The following DNAH14 variants were observed in gnomAD, a reference collection of about 807,000 sequenced individuals.
DNAH14 encodes the protein axonemal beta dynein heavy chain 14.
In DNAH14, 478 loss-of-function variants were observed where a neutral mutation model predicts 520.9. That is an observed-to-expected ratio of 0.92 (90% CI 0.85 to 0.99). The LOEUF (loss-of-function observed/expected upper bound fraction) is 0.99, where lower values mean the gene tolerates loss of function less well. Ranked by LOEUF, DNAH14 falls within the 50% of genes least tolerant of loss-of-function variation. The pLI is 0.00. For synonymous variants in DNAH14, 1,581 were observed against 1,757.2 expected (o/e 0.90, Z 2.51); for missense variants, 4,831 against 5,234.5 (o/e 0.92, Z 2.38).
intron 21 of DNAH14, among the ~76,000 whole-genome samples, chr1:225,090,491 A>G (rs1377927634): frequency 6.6e-6 from 1 of 152,174 alleles, no homozygotes; most frequent in African/African-American, 2.4e-5. Flanking sequence ...GAGGCTCATT[A>G]TAAGGCCACA....
At chr1:225,192,972 C>A in intron 38 of DNAH14, 61 bp downstream of exon 38, 2 of 1,253,994 alleles carry the variant, frequency 1.6e-6, no homozygotes, top group Non-Finnish European at 2.2e-6. Context: ...AATTGCTTAT[C>A]CAAAGACTGA....
At position 225,338,073 on chromosome 1, in the gene DNAH14, A is replaced by C. The variant is rs1418183459; in HGVS notation, c.10324A>C (p.Thr3442Pro). 1.4e-5 allele frequency: 21 copies of C among 1,542,706 alleles called. 1 individual carries two copies. In the South Asian group the frequency reaches 1.6e-4, roughly 12 times the overall value. ...GSVLLQNLLE[T>P]LAPGLKAILK... The stretch of plus-strand genomic sequence containing the variant: ...TTGGGTTTTTCAGAATCTCCTTGAG[A>C]CATTAGCTCCAGGCTTAAAGGCAAT... The change falls in exon 68 of 86, where the codon ACA (threonine) becomes CCA (proline). Residue 3442 changes from threonine (T) to proline (P), a missense_variant. By Grantham distance (38) the Thr-to-Pro change is conservative. Transcript: ENST00000682510.
chr1:225,284,949 T>TCAGCAAAAAGGAAAAGAAGGAAGCTTC (rs1333446851), intron 54 of DNAH14, among the ~76,000 whole-genome samples: 18 of 152,074 alleles, frequency 1.2e-4, no homozygotes, highest in African/African-American at 4.3e-4. Context: ...TTTTTTACTC[T>TCAGCAAAAAGGAAAAGAAGGAAGCTTC]CAGCAAAAAG....
At chr1:225,222,351 T>C (rs962756757) in intron 41 of DNAH14, among the ~76,000 whole-genome samples, 3 of 152,126 alleles carry the variant, frequency 2.0e-5, no homozygotes, top group Admixed American at 1.3e-4. Context: ...AGTTGGTTTC[T>C]TCCAGTGGGT....
intron 23 of DNAH14, among the ~76,000 whole-genome samples, chr1:225,102,872 G>A (rs2075643729): frequency 6.6e-6 from 1 of 151,778 alleles, no homozygotes; most frequent in African/African-American, 2.4e-5. Context: ...TTCTTTTGCT[G>A]TGCAGAAGCT....
intron 1 of DNAH14, among the ~76,000 whole-genome samples, chr1:224,937,300 A>G (rs551153608): frequency 1.3e-5 from 2 of 152,176 alleles, no homozygotes; most frequent in Admixed American, 1.3e-4. Context: ...TATATCTAGA[A>G]AAATATAAGG....
At chr1:225,067,729 T>G (rs999663079) in intron 17 of DNAH14, among the ~76,000 whole-genome samples, 1 of 151,964 alleles carries the variant, frequency 6.6e-6, no homozygotes, top group South Asian at 2.1e-4. Context: ...GATGTTGAGC[T>G]TTTTTTTCAT....
intron 17 of DNAH14, among the ~76,000 whole-genome samples, chr1:225,058,171 T>G (rs1296325182): frequency 1.3e-5 from 2 of 152,204 alleles, no homozygotes; most frequent in East Asian, 1.9e-4. Context: ...GGACTTTTTT[T>G]GGTTGGTAGG....
intron 10 of DNAH14, among the ~76,000 whole-genome samples, chr1:225,014,084 G>A (rs2065022382): frequency 6.6e-6 from 1 of 152,204 alleles, no homozygotes; most frequent in Non-Finnish European, 1.5e-5. Context: ...CCCTTGTGGT[G>A]TAGGCACCTG....
rs3047035 is a variant in DNAH14 at position 225,322,085 on chromosome 1, C to CTTTTTTTTTTTTTTTTTTTT, written c.9336-575_9336-556dup. Among the ~76,000 whole-genome samples, 54 of 90,180 alleles carry CTTTTTTTTTTTTTTTTTTTT rather than the reference C, an allele frequency of 6.0e-4. 1 individual carries two copies. The highest frequency in any genetic ancestry group is 1.5e-3 in the South Asian group (3 of 1,980). 59.2% of individuals were successfully genotyped at this position (90,180 alleles called of 152,430 possible). Reference sequence around the variant, plus strand: ...TGAAGACTTTTCTTTTTTTTTCTTTCTTTTTTTTTTTTTTTTTTTTTTTGA... The same window carrying CTTTTTTTTTTTTTTTTTTTT: ...TGAAGACTTTTCTTTTTTTTTCTTTCTTTTTTTTTTTTTTTTTTTTTTTTTTTTTTTTTTTTTTTTTTTGA... On this transcript the variant is annotated intron_variant, in intron 61 of 85. Transcript: ENST00000682510.
At chr1:224,990,573 C>T (rs2062967976) in intron 8 of DNAH14, among the ~76,000 whole-genome samples, 1 of 152,036 alleles carries the variant, frequency 6.6e-6, no homozygotes. Flanking sequence ...TTTTTTTGTG[C>T]CTGGCTTATT....
Position 225,273,058 on chromosome 1 carries a change from T to C in DNAH14, c.7943T>C (p.Leu2648Ser), listed in dbSNP as rs375254049. Reference protein sequence around the residue: ...HEATRVFHDRLIDFTDKSLFY... With the variant: ...HEATRVFHDRSIDFTDKSLFY... ...GCCACCCGAGTATTTCACGATCGCT[T>C]AATTGATTTCACTGATAAAAGCCTT... Residue 2648 changes from leucine (L) to serine (S), a missense_variant, in exon 52 of 86, where the codon TTA becomes TCA. Leu to Ser is a moderately radical substitution (Grantham distance 145). Coordinates refer to ENST00000682510, the MANE Select transcript of DNAH14 (RefSeq NM_001367479.1). 368 of 1,551,694 alleles carry C rather than the reference T, an allele frequency of 2.4e-4. No homozygotes were observed. Among genetic ancestry groups the C allele is most frequent in the Non-Finnish European group, 3.0e-4 (344 of 1,146,988 alleles).
At chr1:225,325,157 C>CT (rs34311017) in intron 64 of DNAH14, among the ~76,000 whole-genome samples, 5,869 of 144,996 alleles carry the variant, frequency 0.04, 160 homozygotes, top group Middle Eastern at 0.074. Flanking sequence ...AATCTGTGCT[C>CT]TTTTTTTTTT....
At chr1:225,344,181 C>T (rs2095248074) in intron 69 of DNAH14, among the ~76,000 whole-genome samples, 1 of 150,174 alleles carries the variant, frequency 6.7e-6, no homozygotes, top group South Asian at 2.1e-4. Context: ...TGATTATATA[C>T]ATAATTTTTC....
intron 58 of DNAH14, among the ~76,000 whole-genome samples, chr1:225,306,108 G>A (rs1052940536): frequency 6.6e-6 from 1 of 152,244 alleles, no homozygotes; most frequent in Non-Finnish European, 1.5e-5. Flanking sequence ...GCTGGAGAGT[G>A]TGAACTAATT....
intron 38 of DNAH14, among the ~76,000 whole-genome samples, chr1:225,193,285 A>G (rs2085686815): frequency 6.6e-6 from 1 of 152,190 alleles, no homozygotes; most frequent in Non-Finnish European, 1.5e-5. Flanking sequence ...AATTCATCAC[A>G]GAATAGATAC....
chr1:225,167,363 T>C (rs185072521), intron 35 of DNAH14, among the ~76,000 whole-genome samples: 12 of 152,312 alleles, frequency 7.9e-5, no homozygotes, highest in African/African-American at 2.9e-4. Context: ...TAAACCCTCC[T>C]TTAGAAGGAA....
At chr1:225,374,957 C>T in intron 78 of DNAH14, 72 bp downstream of exon 78, 5 of 1,303,296 alleles carry the variant, frequency 3.8e-6, no homozygotes, top group African/African-American at 1.5e-5. Context: ...ATTTAAAATA[C>T]ATATTTAAAT....
At chr1:225,115,308 C>G (rs910720190) in intron 23 of DNAH14, among the ~76,000 whole-genome samples, 1 of 152,046 alleles carries the variant, frequency 6.6e-6, no homozygotes, top group Non-Finnish European at 1.5e-5. Context: ...TTATTAGCAC[C>G]ATTAAGTTGA....
Sources: gnomAD v4.1 joint callset for allele counts (sites outside exome capture counted in the v4.1 genomes callset) on GRCh38, gnomAD v4.1.1 for gene constraint, MANE v1.5 for transcripts, NCBI Gene and HGNC (gene_info 2026-07-23, HGNC 2026-07-21) for gene names.